NUP43: variants seen among roughly 807,000 people sequenced by gnomAD.
NUP43 encodes nucleoporin 43.
NUP43 carries 32 observed loss-of-function variants against 47.3 expected under a neutral mutation model. That is an observed-to-expected ratio of 0.68 (90% CI 0.51 to 0.91). The LOEUF (loss-of-function observed/expected upper bound fraction) is 0.91. NUP43 is among the 40% of genes least tolerant of loss of function. NUP43 has a pLI of 0.00. For missense variants in NUP43, 444 were observed against 453.9 expected (o/e 0.98, Z 0.20); for synonymous variants, 147 against 158.4 (o/e 0.93, Z 0.54).
intron 1 of NUP43, 51 bp from the exon 2 acceptor site, chr6:149,746,113 A>C (rs534318882): frequency 6.3e-7 from 1 of 1,593,248 alleles, no homozygotes; most frequent in South Asian, 1.1e-5. Flanking sequence ...CAACTCTCGG[A>C]AAATAAAAGT....
Position 149,745,927 on chromosome 6 carries a change from T to G in NUP43, c.243+13A>C. On this transcript the variant is annotated intron_variant, in intron 2 of 7. Transcript: ENST00000340413. Reference sequence around the variant, plus strand: ...ACTTTCAAAGTTAGCTTTTGGATGCTACACAGATTTACCTGTAAATCCATT... The same window carrying G: ...ACTTTCAAAGTTAGCTTTTGGATGCGACACAGATTTACCTGTAAATCCATT... 6.2e-7 allele frequency: 1 copy of G among 1,601,000 alleles called. No individual in the cohort carries two copies. Among genetic ancestry groups the G allele is most frequent in the Non-Finnish European group, 8.5e-7 (1 of 1,175,390 alleles).
intron 6 of NUP43, among the ~76,000 whole-genome samples, chr6:149,736,217 C>T (rs973166408): frequency 5.4e-5 from 8 of 148,900 alleles, no homozygotes; most frequent in African/African-American, 9.9e-5. Flanking sequence ...GCAGAGGTTG[C>T]GGTGGGCCAA....
At chr6:149,741,515 T>C (rs1387820476) in intron 4 of NUP43, among the ~76,000 whole-genome samples, 1 of 143,422 alleles carries the variant, frequency 7.0e-6, no homozygotes, top group Non-Finnish European at 1.5e-5. Flanking sequence ...TTGTGTTTAC[T>C]TTTTTTTTTT....
intron 7 of NUP43, 117 bp from the exon 8 acceptor site, chr6:149,727,315 T>C (rs1277407099): frequency 7.0e-7 from 1 of 1,437,128 alleles, no homozygotes; most frequent in East Asian, 2.5e-5. Flanking sequence ...ATTCTCAGAA[T>C]AATAGGCTAA....
At chr6:149,738,598 A>G (rs749043095) in intron 5 of NUP43, 45 bp downstream of exon 5, 72 of 1,404,168 alleles carry the variant, frequency 5.1e-5, no homozygotes, top group South Asian at 6.6e-5. Context: ...AACCTAACAC[A>G]TTAATTTGTG....
upstream of NUP43, among the ~76,000 whole-genome samples, chr6:149,746,977 T>C (rs1212835433): frequency 2.0e-5 from 3 of 152,242 alleles, no homozygotes; most frequent in Non-Finnish European, 2.9e-5. Context: ...ACAAATACTT[T>C]GCTTCAAAGT....
chr6:149,742,904 T>C (rs989467232), intron 3 of NUP43, among the ~76,000 whole-genome samples: 73 of 152,214 alleles, frequency 4.8e-4, no homozygotes, highest in African/African-American at 1.3e-3. Flanking sequence ...GGCCCACGGC[T>C]GTCGCTCATG....
At chr6:149,739,306 G>C (rs940948101) in intron 4 of NUP43, among the ~76,000 whole-genome samples, 4 of 151,544 alleles carry the variant, frequency 2.6e-5, no homozygotes, top group Non-Finnish European at 4.4e-5. Context: ...TTTGTTTTTT[G>C]AGATGGATCT....
intron 2 of NUP43, among the ~76,000 whole-genome samples, chr6:149,744,609 G>A (rs562497558): frequency 2.7e-5 from 4 of 149,768 alleles, no homozygotes; most frequent in East Asian, 2.0e-4. Flanking sequence ...AGGCCAAGCC[G>A]GGTGGACCAC....
chr6:149,736,246 C>T (rs1785347662), intron 6 of NUP43, among the ~76,000 whole-genome samples: 1 of 152,082 alleles, frequency 6.6e-6, no homozygotes, highest in African/African-American at 2.4e-5. Flanking sequence ...CATTGCACTC[C>T]AGCCTGGGCA....
chr6:149,735,598 CA>C (rs57726234), intron 6 of NUP43, among the ~76,000 whole-genome samples: 60 of 51,312 alleles, frequency 1.2e-3, no homozygotes, highest in South Asian at 5.3e-3. Flanking sequence ...ACCCTGTCTC[CA>C]AAAAAAAAAA....
At chr6:149,746,533 C>T (rs200324063), upstream of NUP43, 4 of 1,613,926 alleles carry the variant, frequency 2.5e-6, no homozygotes, top group South Asian at 3.3e-5. Flanking sequence ...AAAAAGCAAG[C>T]ACAGTACGCG....
Position 149,738,638 on chromosome 6 carries a change from C to A in NUP43, c.638+5G>T. Reference sequence around the variant, plus strand: ...ACATTACTGAAATTACAAATCAACACTTACAGTGACAATATCTGAGAAGGC... The same window carrying A: ...ACATTACTGAAATTACAAATCAACAATTACAGTGACAATATCTGAGAAGGC... On this transcript the variant is annotated splice_donor_5th_base_variant and intron_variant, in intron 5 of 7. Transcript: ENST00000340413. The A allele has an allele frequency of 3.9e-6, 6 of 1,555,820 alleles. No homozygotes were observed. The highest frequency in any genetic ancestry group is 5.2e-6 in the Non-Finnish European group (6 of 1,154,034).
At chr6:149,742,289 G>A in intron 4 of NUP43, 101 bp downstream of exon 4, 3 of 1,069,326 alleles carry the variant, frequency 2.8e-6, no homozygotes, top group South Asian at 2.8e-5. Flanking sequence ...GCCTCCCAAA[G>A]TGCTGCAATT....
chr6:149,741,648 G>A (rs1785662341), intron 4 of NUP43, among the ~76,000 whole-genome samples: 2 of 151,814 alleles, frequency 1.3e-5, no homozygotes, highest in Non-Finnish European at 2.9e-5. Flanking sequence ...TGGGACTACA[G>A]ATGCACACCA....
intron 4 of NUP43, among the ~76,000 whole-genome samples, chr6:149,739,217 A>G (rs1277511177): frequency 6.6e-6 from 1 of 152,032 alleles, no homozygotes; most frequent in Non-Finnish European, 1.5e-5. Flanking sequence ...ACCTCAGGTG[A>G]TCCACCAGCC....
At position 149,738,671 on chromosome 6, in the gene NUP43, CTTG is replaced by C. The variant is rs1562380243; in HGVS notation, c.607_609del (p.Gln203del). On this transcript the variant is annotated inframe_deletion, in exon 5 of 8. Coordinates refer to ENST00000340413, the MANE Select transcript of NUP43 (RefSeq NM_198887.3). ...GACAATATCTGAGAAGGCTCATTTC[CTTG>C]TTGTCTGAAATCCCATATTTTCAAC... 3.2e-6 allele frequency: 5 copies of C among 1,584,150 alleles called. No homozygotes were observed. The highest frequency in any genetic ancestry group is 4.3e-6 in the Non-Finnish European group (5 of 1,169,260).
chr6:149,748,576 G>A (rs1303489980), upstream of NUP43, among the ~76,000 whole-genome samples: 2 of 152,000 alleles, frequency 1.3e-5, no homozygotes, highest in African/African-American at 4.8e-5. Flanking sequence ...TTGGGAGGCC[G>A]AGGCGGGCGG....
In NUP43 at chr6:149,746,300, G is replaced by T; in HGVS notation, c.120+76C>A. 5.1e-6 allele frequency: 8 copies of T among 1,572,958 alleles called. No individual in the cohort carries two copies. In the South Asian group the frequency reaches 9.3e-5, roughly 18 times the overall value. On this transcript the variant is annotated intron_variant, in intron 1 of 7. Transcript: ENST00000340413. ...CGAGAAGAACCAGAAGGTGGGAGTT[G>T]GCGCGCGGAAGGCCAGGGGTCAGCT...
Sources: allele counts gnomAD v4.1 joint callset (sites outside exome capture counted in the v4.1 genomes callset), GRCh38; gene constraint gnomAD v4.1.1; transcripts MANE v1.5; gene names NCBI Gene and HGNC (gene_info 2026-07-23, HGNC 2026-07-21).